GRIK3: variants seen among roughly 807,000 people sequenced by gnomAD.
GRIK3 encodes glutamate receptor ionotropic, kainate 3.
Under a neutral mutation model 102.5 loss-of-function variants are expected in GRIK3, and 29 were observed. The observed-to-expected ratio is 0.28, with a 90% CI of 0.21 to 0.39. The LOEUF (loss-of-function observed/expected upper bound fraction) is 0.39. Ranked by LOEUF, GRIK3 falls within the 10% of genes least tolerant of loss-of-function variation. The probability of loss-of-function intolerance (pLI) is 1.00; values close to 1 mark genes in which losing one functional copy is unlikely to be tolerated. For synonymous variants in GRIK3, 511 were observed against 504.9 expected (o/e 1.01, Z -0.16); for missense variants, 908 against 1,252.4 (o/e 0.73, Z 4.15).
intron 1 of GRIK3, among the ~76,000 whole-genome samples, chr1:36,905,158 A>C (rs529160094): frequency 5.5e-4 from 83 of 152,276 alleles, no homozygotes; most frequent in Admixed American, 1.9e-3. Context: ...ACAACAACAA[A>C]AAAAGAAAAT....
At chr1:37,003,513 C>T (rs375872718) in intron 1 of GRIK3, among the ~76,000 whole-genome samples, 6 of 152,244 alleles carry the variant, frequency 3.9e-5, no homozygotes, top group South Asian at 4.1e-4. Flanking sequence ...CTTCTGGATC[C>T]GGAGGTGGTG....
At chr1:36,849,859 C>A in intron 9 of GRIK3, 1 of 156,170 alleles carries the variant, frequency 6.4e-6, no homozygotes, top group Admixed American at 6.4e-5. Flanking sequence ...TGACGGCTCT[C>A]GGAAGGGCCA....
intron 1 of GRIK3, among the ~76,000 whole-genome samples, chr1:36,921,900 A>C (rs1182186061): frequency 1.3e-5 from 2 of 152,144 alleles, no homozygotes; most frequent in African/African-American, 4.8e-5. Context: ...CCTGGGGTCC[A>C]GTGGCTCCTT....
intron 15 of GRIK3, among the ~76,000 whole-genome samples, chr1:36,803,522 C>T (rs942406986): frequency 3.3e-5 from 5 of 152,184 alleles, no homozygotes; most frequent in African/African-American, 1.2e-4. Flanking sequence ...CCTCCACCTC[C>T]TGGGTTCAAG....
rs1412960271 is a variant in GRIK3 at position 36,850,011 on chromosome 1, G to T, written c.1326+300C>A. The T allele has an allele frequency of 1.3e-5, 4 of 310,530 alleles. No individual in the cohort carries two copies. Among genetic ancestry groups the T allele is most frequent in the Non-Finnish European group, 2.4e-5 (4 of 166,002 alleles). 19.2% of individuals were successfully genotyped at this position (310,530 alleles called of 1,614,324 possible). On this transcript the variant is annotated intron_variant, in intron 9 of 15. Coordinates refer to ENST00000373091, the MANE Select transcript of GRIK3 (RefSeq NM_000831.4). The surrounding 1 kb of genome is among the most constrained non-coding windows in gnomAD (Gnocchi z 4.0). ...GTGGGAGAGGCGAATCCTCACTCAG[G>T]TTGCAATGGGCTGTCAAACCCCCTT...
At chr1:37,014,913 C>G (rs1439442187) in intron 1 of GRIK3, among the ~76,000 whole-genome samples, 1 of 142,620 alleles carries the variant, frequency 7.0e-6, no homozygotes, top group African/African-American at 2.7e-5. Flanking sequence ...CTCTGTTTCT[C>G]TCTCTCTCTC....
At chr1:36,862,930 A>G (rs1431038549) in intron 5 of GRIK3, among the ~76,000 whole-genome samples, 2 of 152,182 alleles carry the variant, frequency 1.3e-5, no homozygotes, top group Non-Finnish European at 2.9e-5. Flanking sequence ...TACAGCCCCC[A>G]GGGCAGACAT....
chr1:36,852,637 C>T (rs1640598377), intron 8 of GRIK3, among the ~76,000 whole-genome samples: 2 of 152,190 alleles, frequency 1.3e-5, no homozygotes, highest in Non-Finnish European at 2.9e-5. Context: ...TTAAAATAAT[C>T]CACATAAAAT....
At chr1:36,985,270 C>T (rs1346021308) in intron 1 of GRIK3, among the ~76,000 whole-genome samples, 1 of 152,066 alleles carries the variant, frequency 6.6e-6, no homozygotes, top group African/African-American at 2.4e-5. Flanking sequence ...CCTGCCTTGC[C>T]CCCTCCTCTG....
At position 36,968,220 on chromosome 1, in the gene GRIK3, CGTGTGTGTGTGTGTGTGTGTGT is replaced by C. The variant is rs66480824; in HGVS notation, c.115+65752_115+65773del. 8.5e-5 allele frequency among the ~76,000 whole-genome samples: 12 copies of C among 141,156 alleles called. No homozygotes were observed. In the East Asian group the frequency reaches 1.1e-3, roughly 13 times the overall value. 92.6% of individuals were successfully genotyped at this position (141,156 alleles called of 152,430 possible). ...CTCTCTCTCTTTCACTCTCTCTCTC[CGTGTGTGTGTGTGTGTGTGTGT>C]GTGTGTGTGTGTGTGTGTGTGTGTC... On this transcript the variant is annotated intron_variant, in intron 1 of 15. Coordinates refer to ENST00000373091, the MANE Select transcript of GRIK3 (RefSeq NM_000831.4).
intron 11 of GRIK3, among the ~76,000 whole-genome samples, chr1:36,825,337 C>G (rs1158234280): frequency 2.0e-5 from 3 of 152,126 alleles, no homozygotes; most frequent in African/African-American, 7.2e-5. Flanking sequence ...CCAATGGGAC[C>G]TGAGGTGCAA....
chr1:36,930,917 G>A (rs971852122), intron 1 of GRIK3, among the ~76,000 whole-genome samples: 13 of 152,148 alleles, frequency 8.5e-5, no homozygotes, highest in Admixed American at 3.9e-4. Flanking sequence ...AACTAGCTAC[G>A]CTTTTAGGTA....
At chr1:36,854,811 T>C (rs1557703632) in intron 7 of GRIK3, among the ~76,000 whole-genome samples, 1 of 152,130 alleles carries the variant, frequency 6.6e-6, no homozygotes, top group Non-Finnish European at 1.5e-5. Flanking sequence ...CCGTGCAACC[T>C]CCACAGCAGC....
intron 5 of GRIK3, 38 bp from the exon 6 acceptor site, chr1:36,860,055 C>A: frequency 6.7e-7 from 1 of 1,498,114 alleles, no homozygotes; most frequent in South Asian, 1.3e-5. Flanking sequence ...AAGGCATGCT[C>A]ACTGCTGAGA....
intron 1 of GRIK3, among the ~76,000 whole-genome samples, chr1:37,015,335 G>A (rs2124065175): frequency 6.6e-6 from 1 of 152,286 alleles, no homozygotes; most frequent in South Asian, 2.1e-4. Context: ...AAGAAAGTAA[G>A]AGCCCTTATT....
intron 1 of GRIK3, among the ~76,000 whole-genome samples, chr1:36,999,079 G>T (rs2124026279): frequency 6.6e-6 from 1 of 152,208 alleles, no homozygotes. Flanking sequence ...AGACCTGGGA[G>T]GGTGGCTCAG....
intron 1 of GRIK3, among the ~76,000 whole-genome samples, chr1:36,950,029 G>A (rs911253674): frequency 1.3e-5 from 2 of 152,244 alleles, no homozygotes; most frequent in African/African-American, 4.8e-5. Flanking sequence ...GTCTGTGTGT[G>A]GCCATCATAC....
At chr1:36,960,142 C>T (rs1465498259) in intron 1 of GRIK3, among the ~76,000 whole-genome samples, 1 of 95,828 alleles carries the variant, frequency 1.0e-5, no homozygotes, top group South Asian at 3.7e-4. Context: ...GCCTGTGCCC[C>T]TTGAGCCTGT....
intron 15 of GRIK3, 21 bp from the exon 16 acceptor site, chr1:36,802,066 G>C: frequency 6.3e-7 from 1 of 1,582,764 alleles, no homozygotes; most frequent in Non-Finnish European, 8.6e-7. Flanking sequence ...GTGGAGGAGA[G>C]GGGTCGGAAA....
Sources: allele counts gnomAD v4.1 joint callset (sites outside exome capture counted in the v4.1 genomes callset), GRCh38; gene constraint gnomAD v4.1.1; non-coding constraint Gnocchi (gnomAD v3.1); transcripts MANE v1.5; gene names NCBI Gene and HGNC (gene_info 2026-07-23, HGNC 2026-07-21).